Variants in TET3 observed in about 807,000 individuals in gnomAD.
TET3 encodes methylcytosine dioxygenase TET3.
TET3 carries 19 observed loss-of-function variants against 141.4 expected under a neutral mutation model. The observed-to-expected ratio is 0.13, with a 90% confidence interval of 0.09 to 0.20. The LOEUF is 0.20. Ranked by LOEUF, TET3 falls within the 10% of genes least tolerant of loss-of-function variation. The pLI, the probability that TET3 is intolerant of heterozygous loss-of-function variation, is 1.00. For synonymous variants in TET3, 1,043 were observed against 980.9 expected (o/e 1.06, Z -1.18); for missense variants, 1,874 against 2,356.9 (o/e 0.80, Z 4.24).
chr2:74,049,348 G>A (rs1252108136), intron 4 of TET3, among the ~76,000 whole-genome samples: 2 of 152,164 alleles, frequency 1.3e-5, no homozygotes, highest in Non-Finnish European at 2.9e-5. Context: ...TGGTTGAAGC[G>A]GTGCCGTGTG....
chr2:73,988,991 T>G (rs1224621140), intron 2 of TET3, among the ~76,000 whole-genome samples: 1 of 106,550 alleles, frequency 9.4e-6, no homozygotes, highest in African/African-American at 4.6e-5. Flanking sequence ...AAAAAAAAAG[T>G]TTTTTTTGTT....
chr2:74,108,891 C>G (rs1489714699), downstream of TET3, among the ~76,000 whole-genome samples: 6 of 152,218 alleles, frequency 3.9e-5, no homozygotes, highest in Non-Finnish European at 7.3e-5. Context: ...GAAAGTTCAT[C>G]TCTGAGGGCA....
intron 7 of TET3, 84 bp from the exon 8 acceptor site, chr2:74,089,813 C>G (rs1690376765): frequency 6.5e-7 from 1 of 1,544,474 alleles, no homozygotes. Flanking sequence ...CAGGGCTCAG[C>G]AGGGCCACCC....
chr2:74,038,550 C>G (rs999221457), intron 3 of TET3, among the ~76,000 whole-genome samples: 1 of 152,156 alleles, frequency 6.6e-6, no homozygotes, highest in Non-Finnish European at 1.5e-5. Flanking sequence ...CTGGAGGCCC[C>G]TGTAGCCTTT....
chr2:73,985,427 C>G (rs902285077), intron 1 of TET3, among the ~76,000 whole-genome samples: 7 of 144,692 alleles, frequency 4.8e-5, no homozygotes, highest in Middle Eastern at 3.6e-3. Context: ...GCGCGCGGCC[C>G]GGCCCGCGGC....
intron 3 of TET3, among the ~76,000 whole-genome samples, chr2:74,035,541 A>G (rs536815816): frequency 6.6e-6 from 1 of 150,948 alleles, no homozygotes; most frequent in East Asian, 1.9e-4. Context: ...AGCTTGACCA[A>G]CATGGTGAAA....
intron 10 of TET3, among the ~76,000 whole-genome samples, chr2:74,096,861 G>A (rs1241396423): frequency 1.3e-5 from 2 of 152,050 alleles, no homozygotes; most frequent in African/African-American, 2.4e-5. Context: ...GGAGGCTGAG[G>A]TGGGAGGCTC....
rs1438962147 is a variant in TET3 at position 74,046,178 on chromosome 2, G to A, written c.361-100G>A. On this transcript the variant is annotated intron_variant, in intron 3 of 11. Coordinates refer to ENST00000409262, the MANE Select transcript of TET3 (RefSeq NM_001287491.2). This position sits in a 1 kb window ranked among gnomAD's most constrained non-coding sequence, Gnocchi z 4.3. ...ACCAGAGAGAGGATTTGCAAGAAAA[G>A]TTGGGGTCAGATGTGCACCTGAGTG... The A allele has an allele frequency of 1.8e-6, 2 of 1,096,200 alleles. No homozygotes were observed. Among genetic ancestry groups the A allele is most frequent in the South Asian group, 3.0e-5 (1 of 33,232 alleles). The allele number at this position is 1,096,200 out of a possible 1,614,324, so 67.9% of individuals were successfully genotyped here. A position where few individuals can be genotyped will look rare whatever the true frequency, so the allele number is the denominator to read the frequency against.
intron 6 of TET3, 53 bp downstream of exon 6, chr2:74,080,644 C>T: frequency 1.3e-6 from 2 of 1,539,174 alleles, no homozygotes; most frequent in South Asian, 2.3e-5. Context: ...CCCCTTGCTG[C>T]ATGGCCACGG....
At chr2:74,050,241 A>C in intron 4 of TET3, among the ~76,000 whole-genome samples, 1 of 152,224 alleles carries the variant, frequency 6.6e-6, no homozygotes, top group East Asian at 1.9e-4. Context: ...GGCACTTTAC[A>C]TAACCCATCA....
At chr2:73,991,883 G>A (rs1684344688) in intron 2 of TET3, among the ~76,000 whole-genome samples, 1 of 151,900 alleles carries the variant, frequency 6.6e-6, no homozygotes, top group African/African-American at 2.4e-5. Flanking sequence ...AAAGGTGTTG[G>A]TGGGACTGGG....
chr2:74,115,779 C>A, the TET3 span, among the ~76,000 whole-genome samples: 1 of 151,928 alleles, frequency 6.6e-6, no homozygotes, highest in Non-Finnish European at 1.5e-5. Context: ...TTTGGGAGGT[C>A]AAGGTGGGCA....
At chr2:74,011,658 G>A (rs1303043760) in intron 3 of TET3, among the ~76,000 whole-genome samples, 1 of 152,074 alleles carries the variant, frequency 6.6e-6, no homozygotes, top group Non-Finnish European at 1.5e-5. Flanking sequence ...CCTATCTTCG[G>A]TGAATCCAAA....
chr2:74,129,347 A>AAAC, the TET3 span, among the ~76,000 whole-genome samples: 2 of 125,898 alleles, frequency 1.6e-5, no homozygotes, highest in Non-Finnish European at 1.6e-5. Flanking sequence ...AAAAAAAAAA[A>AAAC]CCCGGCCGGG....
intron 3 of TET3, among the ~76,000 whole-genome samples, chr2:74,041,467 G>A (rs1173046050): frequency 6.6e-6 from 1 of 152,186 alleles, no homozygotes; most frequent in African/African-American, 2.4e-5. Context: ...GTCACTGCTT[G>A]TGCTGTAGTC....
At chr2:74,020,667 G>C (rs1259070970) in intron 3 of TET3, among the ~76,000 whole-genome samples, 1 of 152,162 alleles carries the variant, frequency 6.6e-6, no homozygotes, top group Non-Finnish European at 1.5e-5. Flanking sequence ...GCCTTGGAGG[G>C]ACCCAGGAAC....
intron 4 of TET3, among the ~76,000 whole-genome samples, chr2:74,064,898 T>C (rs548288343): frequency 6.6e-6 from 1 of 152,318 alleles, no homozygotes; most frequent in African/African-American, 2.4e-5. Context: ...CAGTCAACAG[T>C]AGGCTATTAG....
chr2:74,004,489 G>T (rs1685050274), intron 3 of TET3, among the ~76,000 whole-genome samples: 2 of 152,186 alleles, frequency 1.3e-5, no homozygotes, highest in South Asian at 4.1e-4. Context: ...GGCCTAGATA[G>T]TTCCCTGGCT....
chr2:74,049,596 G>T (rs1687830722), intron 4 of TET3, among the ~76,000 whole-genome samples: 1 of 152,180 alleles, frequency 6.6e-6, no homozygotes, highest in Non-Finnish European at 1.5e-5. Flanking sequence ...TGAGCATATT[G>T]AATTCTTGTG....
Sources: gnomAD v4.1 joint callset for allele counts (sites outside exome capture counted in the v4.1 genomes callset) on GRCh38, gnomAD v4.1.1 for gene constraint, Gnocchi (gnomAD v3.1) non-coding constraint, MANE v1.5 for transcripts, NCBI Gene and HGNC (gene_info 2026-07-23, HGNC 2026-07-21) for gene names.